Variants in KCND3 observed in about 807,000 individuals in gnomAD.
KCND3 encodes the protein potassium voltage-gated channel subfamily D member 3.
Under a neutral mutation model 51.1 loss-of-function variants are expected in KCND3, and 9 were observed. The observed-to-expected ratio is 0.18, with a 90% CI of 0.11 to 0.31. The LOEUF is 0.31. Among genes scored for constraint, KCND3 ranks in the 10% least tolerant of loss-of-function variants. The probability of loss-of-function intolerance (pLI) is 1.00; values close to 1 mark genes in which losing one functional copy is unlikely to be tolerated. For missense variants in KCND3, 526 were observed against 903.8 expected, an observed-to-expected ratio of 0.58 and a Z score of 5.36; for synonymous variants, 349 against 368.0, an observed-to-expected ratio of 0.95 and a Z score of 0.59.
Position 111,981,847 on chromosome 1 carries a change from C to T in KCND3, c.880G>A (p.Val294Ile), listed in dbSNP as rs1341963547. The T allele has an allele frequency of 2.5e-6, 4 of 1,613,750 alleles. No individual in the cohort carries two copies. Among genetic ancestry groups the T allele is most frequent in the Admixed American group, 1.7e-5 (1 of 59,982 alleles). ...GAFVTLRVFR[V>I]FRIFKFSRHS... Reference sequence around the variant, plus strand: ...CGGGAAAACTTGAAGATCCTGAAGACGCGGAAGACCCGGAGCGTGACGAAG... The same window carrying T: ...CGGGAAAACTTGAAGATCCTGAAGATGCGGAAGACCCGGAGCGTGACGAAG... Residue 294 changes from valine (V) to isoleucine (I), a missense_variant, in exon 2 of 8, where the codon GTC becomes ATC. Val to Ile is a conservative substitution (Grantham distance 29). Coordinates refer to ENST00000302127, the MANE Select transcript of KCND3 (RefSeq NM_001378969.1). The surrounding 1 kb of genome is among the most constrained non-coding windows in gnomAD (Gnocchi z 6.2).
At chr1:111,896,666 A>G (rs1557704619) in intron 2 of KCND3, among the ~76,000 whole-genome samples, 1 of 152,202 alleles carries the variant, frequency 6.6e-6, no homozygotes, top group Non-Finnish European at 1.5e-5. Flanking sequence ...AAATGAGCAA[A>G]AGGAGGTGTG....
intron 2 of KCND3, among the ~76,000 whole-genome samples, chr1:111,893,328 T>C (rs542501407): frequency 6.6e-6 from 1 of 152,052 alleles, no homozygotes; most frequent in Non-Finnish European, 1.5e-5. Context: ...AACTGGGGCC[T>C]GAAGGATGAC....
chr1:111,842,949 CTA>C (rs1396009774), intron 2 of KCND3, among the ~76,000 whole-genome samples: 5 of 152,180 alleles, frequency 3.3e-5, no homozygotes, highest in Admixed American at 6.5e-5. Context: ...AAAGATTATG[CTA>C]TGTTTATTTT....
intron 2 of KCND3, among the ~76,000 whole-genome samples, chr1:111,799,401 T>C (rs890111131): frequency 7.9e-5 from 12 of 152,162 alleles, no homozygotes; most frequent in Admixed American, 2.6e-4. Context: ...AATGCAGATG[T>C]GAAAAAGAAA....
chr1:111,878,869 T>A (rs1011963738), intron 2 of KCND3, among the ~76,000 whole-genome samples: 4 of 152,158 alleles, frequency 2.6e-5, no homozygotes, highest in Non-Finnish European at 5.9e-5. Context: ...TGAGGGGGGT[T>A]TCCTGATGAG....
intron 2 of KCND3, among the ~76,000 whole-genome samples, chr1:111,927,471 T>C (rs11102355): frequency 0.094 from 14,291 of 152,286 alleles, 961 homozygotes; most frequent in South Asian, 0.24. Context: ...GAGAATGTGA[T>C]TGACAGCCCA....
chr1:111,894,397 A>T (rs1008389140), intron 2 of KCND3, among the ~76,000 whole-genome samples: 5 of 152,130 alleles, frequency 3.3e-5, no homozygotes, highest in Non-Finnish European at 7.3e-5. Flanking sequence ...CCTGGTTTAA[A>T]GTTGTCTTTC....
chr1:111,832,208 G>T (rs1460130250), intron 2 of KCND3, among the ~76,000 whole-genome samples: 1 of 152,180 alleles, frequency 6.6e-6, no homozygotes, highest in Non-Finnish European at 1.5e-5. Context: ...AGAAGCCAAT[G>T]ACAAGGCCTC....
chr1:111,864,978 C>G (rs1022606204), intron 2 of KCND3, among the ~76,000 whole-genome samples: 2 of 152,114 alleles, frequency 1.3e-5, no homozygotes, highest in African/African-American at 4.8e-5. Context: ...AAACAGGAAA[C>G]AGACACAGGG....
At chr1:111,824,941 C>T (rs539486673) in intron 2 of KCND3, among the ~76,000 whole-genome samples, 8 of 152,270 alleles carry the variant, frequency 5.3e-5, no homozygotes, top group Non-Finnish European at 8.8e-5. Flanking sequence ...AGCCTTCTTC[C>T]CTGGCAGCAC....
chr1:111,928,492 T>C (rs532435414), intron 2 of KCND3, among the ~76,000 whole-genome samples: 2 of 152,324 alleles, frequency 1.3e-5, no homozygotes, highest in South Asian at 4.1e-4. Flanking sequence ...GGGGCCTGGC[T>C]GTGGAGCCCA....
chr1:111,916,628 A>G (rs1325846655), intron 2 of KCND3, among the ~76,000 whole-genome samples: 1 of 152,156 alleles, frequency 6.6e-6, no homozygotes, highest in Non-Finnish European at 1.5e-5. Flanking sequence ...CTCTTTTCTA[A>G]AAAAGATGAA....
At chr1:111,819,074 G>A (rs1666235609) in intron 2 of KCND3, among the ~76,000 whole-genome samples, 1 of 152,078 alleles carries the variant, frequency 6.6e-6, no homozygotes, top group Non-Finnish European at 1.5e-5. Context: ...CAGTCATTTG[G>A]ATTTGAACCC....
chr1:111,940,555 C>G (rs751203514), intron 2 of KCND3, among the ~76,000 whole-genome samples: 2 of 152,174 alleles, frequency 1.3e-5, no homozygotes, highest in Non-Finnish European at 2.9e-5. Context: ...GGCATTCTCT[C>G]TGAGGCCTCT....
intron 2 of KCND3, among the ~76,000 whole-genome samples, chr1:111,791,493 G>A (rs541593622): frequency 6.6e-6 from 1 of 152,328 alleles, no homozygotes; most frequent in South Asian, 2.1e-4. Context: ...TGGAGCTGGA[G>A]TTCCTGTTCT....
Position 111,780,736 on chromosome 1 carries a change from A to G in KCND3, c.1325T>C (p.Leu442Pro). 15 of 1,613,444 alleles carry G rather than the reference A, an allele frequency of 9.3e-6. No homozygotes were observed. The highest frequency in any genetic ancestry group is 1.3e-5 in the Non-Finnish European group (15 of 1,179,858). Reference sequence around the variant, plus strand: ...GAGGAGCCCGTTGCGCTTGCTGTGCAGGTATGCATTCGAACTGCCTGTTTT... The same window carrying G: ...GAGGAGCCCGTTGCGCTTGCTGTGCGGGTATGCATTCGAACTGCCTGTTTT... ...VAKTGSSNAYLHSKRNGLLNE... is the reference protein window; with the variant it reads ...VAKTGSSNAYPHSKRNGLLNE... Residue 442 changes from leucine to proline, a missense_variant, in exon 4 of 8, where the codon CTG becomes CCG. Around this residue, in one of 5 missense-constraint regions of KCND3, gnomAD observed 266 missense variants for 305.5 expected, o/e 0.87. Coordinates refer to ENST00000302127, the MANE Select transcript of KCND3 (RefSeq NM_001378969.1). This position sits in a 1 kb window ranked among gnomAD's most constrained non-coding sequence, Gnocchi z 4.2.
chr1:111,956,964 C>T (rs1031894458), intron 2 of KCND3, among the ~76,000 whole-genome samples: 4 of 152,186 alleles, frequency 2.6e-5, no homozygotes, highest in African/African-American at 9.6e-5. Flanking sequence ...TCTTCCTTAA[C>T]AAAAGTGGAA....
chr1:111,836,330 C>T lies in KCND3; in HGVS notation c.1107-49224G>A, dbSNP rs564461479. On this transcript the variant is annotated intron_variant, in intron 2 of 7. Coordinates refer to ENST00000302127, the MANE Select transcript of KCND3 (RefSeq NM_001378969.1). ...GCCACAGTCCCTGCGGGCAGCTTGG[C>T]AATGACTCCCCGTCTCTCGCACCAG... is the stretch of plus-strand genomic sequence containing the variant. Among the ~76,000 whole-genome samples, 6 of 152,330 alleles carry T rather than the reference C, an allele frequency of 3.9e-5. No homozygotes were observed. In the East Asian group the frequency reaches 1.2e-3, roughly 29 times the overall value.
At chr1:111,784,316 T>G (rs916650352) in intron 3 of KCND3, among the ~76,000 whole-genome samples, 2 of 152,176 alleles carry the variant, frequency 1.3e-5, no homozygotes, top group East Asian at 3.9e-4. Context: ...TGCGTGAGCA[T>G]CTATAATTAT....
Sources: allele counts gnomAD v4.1 joint callset (sites outside exome capture counted in the v4.1 genomes callset), GRCh38; gene constraint gnomAD v4.1.1; regional missense constraint gnomAD v4.1.1; non-coding constraint Gnocchi (gnomAD v3.1); transcripts MANE v1.5; gene names NCBI Gene and HGNC (gene_info 2026-07-23, HGNC 2026-07-21).